DOCK10: variants seen among roughly 807,000 people sequenced by gnomAD.
DOCK10 encodes dedicator of cytokinesis 10.
DOCK10 carries 145 observed loss-of-function variants against 280.1 expected under a neutral mutation model. That is an observed-to-expected ratio of 0.52 (90% confidence interval 0.45 to 0.59). The LOEUF is 0.59. DOCK10 is among the 20% of genes least tolerant of loss of function. DOCK10 has a pLI of 0.00. For missense variants in DOCK10, 2,368 were observed against 2,651.7 expected, an observed-to-expected ratio of 0.89 and a Z score of 2.35; for synonymous variants, 915 against 942.2, an observed-to-expected ratio of 0.97 and a Z score of 0.53.
At chr2:224,843,752 C>T (rs1350169426) in intron 22 of DOCK10, among the ~76,000 whole-genome samples, 1 of 152,184 alleles carries the variant, frequency 6.6e-6, no homozygotes, top group African/African-American at 2.4e-5. Flanking sequence ...CCAGAAAACT[C>T]ACATTGTGGT....
intron 1 of DOCK10, among the ~76,000 whole-genome samples, chr2:224,977,832 C>T (rs1705526524): frequency 6.6e-6 from 1 of 152,100 alleles, no homozygotes; most frequent in Non-Finnish European, 1.5e-5. Flanking sequence ...TTATGCCAGC[C>T]CAAATCTTAT....
At chr2:224,772,947 A>G (rs1009171527) in intron 53 of DOCK10, among the ~76,000 whole-genome samples, 5 of 152,334 alleles carry the variant, frequency 3.3e-5, no homozygotes, top group African/African-American at 1.2e-4. Context: ...ATTTTATTTC[A>G]GCTAAACTTA....
chr2:224,908,623 AGT>A (rs1280040262), intron 3 of DOCK10, among the ~76,000 whole-genome samples: 1 of 152,112 alleles, frequency 6.6e-6, no homozygotes, highest in Admixed American at 6.5e-5. Context: ...CGGCCTCCTG[AGT>A]ATTTGGGACT....
At chr2:224,927,474 G>T (rs1293432049) in intron 2 of DOCK10, among the ~76,000 whole-genome samples, 1 of 152,200 alleles carries the variant, frequency 6.6e-6, no homozygotes, top group African/African-American at 2.4e-5. Context: ...ACTTCTTGGA[G>T]GGGAGGTATG....
chr2:224,837,750 G>A lies in DOCK10; in HGVS notation c.2850+12C>T. On this transcript the variant is annotated intron_variant, in intron 25 of 55. Coordinates refer to ENST00000258390, the MANE Select transcript of DOCK10 (RefSeq NM_014689.3). ...AAGGGGATATGAGCAATTTCCAAGA[G>A]GCATTTCATACCTTAATATATGACT... The A allele has an allele frequency of 6.2e-7, 1 of 1,610,940 alleles. No homozygotes were observed. The highest frequency in any genetic ancestry group is 8.5e-7 in the Non-Finnish European group (1 of 1,177,244).
rs148143084 is a variant in DOCK10 at position 224,808,381 on chromosome 2, T to A, written c.3410-295A>T. Among the ~76,000 whole-genome samples, 68 of 152,224 alleles carry A rather than the reference T, an allele frequency of 4.5e-4. 1 individual carries two copies. In the Middle Eastern group the frequency reaches 0.027, roughly 61 times the overall value. ...AGGATTTGAGAGGGGGAAAAACACATTTTCTGCTTGGAGGAATCAGGATAT... is the reference window on the plus strand; with the variant it reads ...AGGATTTGAGAGGGGGAAAAACACAATTTCTGCTTGGAGGAATCAGGATAT... On this transcript the variant is annotated intron_variant, in intron 31 of 55. Coordinates refer to ENST00000258390, the MANE Select transcript of DOCK10 (RefSeq NM_014689.3).
At chr2:224,898,607 C>T (rs533697363) in intron 3 of DOCK10, among the ~76,000 whole-genome samples, 3 of 152,192 alleles carry the variant, frequency 2.0e-5, no homozygotes, top group African/African-American at 4.8e-5. Flanking sequence ...GACGGAGTCT[C>T]GCTCTGTCGC....
intron 1 of DOCK10, among the ~76,000 whole-genome samples, chr2:225,038,635 G>T (rs778523458): frequency 1.3e-5 from 2 of 152,106 alleles, no homozygotes; most frequent in Non-Finnish European, 2.9e-5. Flanking sequence ...TCTTTAAAAT[G>T]AGTTAATAAC....
chr2:224,807,677 T>C lies in DOCK10; in HGVS notation c.3693A>G (p.Thr1231=). ...TATTGTGCAAACGTACCTGATTAGA[T>C]GTATTGACAGTAAAAGGATACAGGT... ...LKDLYPFTVN[T]SNQGSRDDLS... is the part of the protein sequence containing the mutation. The change falls in exon 33 of 56, where the codon ACA becomes ACG. Residue 1231 remains threonine, a synonymous_variant. Coordinates refer to ENST00000258390, the MANE Select transcript of DOCK10 (RefSeq NM_014689.3). 7 of 1,549,908 alleles carry C rather than the reference T, an allele frequency of 4.5e-6. No individual in the cohort carries two copies. Among genetic ancestry groups the C allele is most frequent in the Non-Finnish European group, 6.1e-6 (7 of 1,139,926 alleles).
intron 17 of DOCK10, 29 bp from the exon 18 acceptor site, chr2:224,852,471 T>C (rs1267305932): frequency 1.3e-6 from 2 of 1,534,284 alleles, no homozygotes; most frequent in African/African-American, 1.4e-5. Context: ...AAAATGGAAA[T>C]TGTAATTTCC....
At chr2:224,836,324 G>A (rs1278311849) in intron 25 of DOCK10, among the ~76,000 whole-genome samples, 1 of 152,164 alleles carries the variant, frequency 6.6e-6, no homozygotes, top group African/African-American at 2.4e-5. Context: ...GGCTTGTGTA[G>A]GTGGAACTGG....
intron 1 of DOCK10, among the ~76,000 whole-genome samples, chr2:224,988,739 T>C (rs966426662): frequency 6.6e-6 from 1 of 152,216 alleles, no homozygotes; most frequent in Non-Finnish European, 1.5e-5. Context: ...TGTTTTAAGG[T>C]GATGATTTAA....
chr2:224,922,018 C>T (rs1171550869), intron 2 of DOCK10, among the ~76,000 whole-genome samples: 1 of 151,024 alleles, frequency 6.6e-6, no homozygotes, highest in African/African-American at 2.4e-5. Context: ...ACTCGAGAGG[C>T]TGAGGCAGGA....
chr2:225,027,294 T>G (rs930346796), intron 1 of DOCK10, among the ~76,000 whole-genome samples: 1 of 152,180 alleles, frequency 6.6e-6, no homozygotes, highest in African/African-American at 2.4e-5. Context: ...TTCTGAGATG[T>G]TCACGCCCAG....
chr2:225,032,815 T>C (rs1001575087), intron 1 of DOCK10, among the ~76,000 whole-genome samples: 1 of 152,254 alleles, frequency 6.6e-6, no homozygotes, highest in Non-Finnish European at 1.5e-5. Flanking sequence ...GTTTTTTGTT[T>C]GCTTGTTTGC....
intron 1 of DOCK10, among the ~76,000 whole-genome samples, chr2:224,952,391 T>C (rs886584134): frequency 1.3e-5 from 2 of 150,814 alleles, no homozygotes; most frequent in African/African-American, 4.9e-5. Context: ...TGGGAGGAAA[T>C]GGAAAATTGG....
chr2:224,783,375 C>A (rs771902062), intron 50 of DOCK10, among the ~76,000 whole-genome samples: 7 of 151,612 alleles, frequency 4.6e-5, no homozygotes, highest in African/African-American at 7.3e-5. Flanking sequence ...CCAGGGTTCA[C>A]GCCATTCTCC....
intron 4 of DOCK10, 78 bp downstream of exon 4, chr2:224,896,217 T>G (rs558174094): frequency 1.2e-6 from 1 of 856,826 alleles, no homozygotes; most frequent in Admixed American, 2.9e-5. Flanking sequence ...CGTGTATTCA[T>G]GAACAATGGC....
chr2:224,765,234 A>G lies in DOCK10; in HGVS notation c.*487T>C, dbSNP rs1056722186. Reference sequence around the variant, plus strand: ...AGTATTTATCAACGCTTTTGTACACATACACAAATATTTTAATATAATGGT... The same window carrying G: ...AGTATTTATCAACGCTTTTGTACACGTACACAAATATTTTAATATAATGGT... On this transcript the variant is annotated 3_prime_UTR_variant, in exon 56 of 56. Coordinates refer to ENST00000258390, the MANE Select transcript of DOCK10 (RefSeq NM_014689.3). 6.5e-6 allele frequency: 1 copy of G among 152,856 alleles called. No homozygotes were observed. Among genetic ancestry groups the G allele is most frequent in the African/African-American group, 2.4e-5 (1 of 41,474 alleles). 9.5% of individuals were successfully genotyped at this position (152,856 alleles called of 1,614,324 possible). A position where few individuals can be genotyped will look rare whatever the true frequency, so the allele number is the denominator to read the frequency against.
Sources: gnomAD v4.1 joint callset for allele counts (sites outside exome capture counted in the v4.1 genomes callset) on GRCh38, gnomAD v4.1.1 for gene constraint, MANE v1.5 for transcripts, NCBI Gene and HGNC (gene_info 2026-07-23, HGNC 2026-07-21) for gene names.